Variants in STEAP1B observed in about 807,000 individuals in gnomAD.
STEAP1B encodes the protein STEAP family member 1B.
A neutral mutation model predicts 27.9 loss-of-function variants in STEAP1B; 13 were observed. The ratio of observed to expected loss-of-function variants is 0.47; its 90% confidence interval spans 0.30 to 0.74. STEAP1B has a LOEUF of 0.74. Among genes scored for constraint, STEAP1B ranks in the 30% least tolerant of loss-of-function variants. The pLI is 0.06. For synonymous variants in STEAP1B, 86 were observed against 107.1 expected (o/e 0.80, Z 1.22); for missense variants, 250 against 298.7 (o/e 0.84, Z 1.20).
chr7:22,440,237 A>G (rs1785312411), intron 4 of STEAP1B, among the ~76,000 whole-genome samples: 3 of 152,178 alleles, frequency 2.0e-5, no homozygotes, highest in Admixed American at 2.0e-4. Context: ...GGTATATGCT[A>G]CCTTGACTTG....
At chr7:22,443,354 A>G (rs1785362784) in intron 4 of STEAP1B, among the ~76,000 whole-genome samples, 1 of 152,230 alleles carries the variant, frequency 6.6e-6, no homozygotes, top group Non-Finnish European at 1.5e-5. Context: ...TCATTTAATC[A>G]ATCACTTCAA....
intron 4 of STEAP1B, among the ~76,000 whole-genome samples, chr7:22,425,564 T>A (rs1016295094): frequency 6.6e-6 from 1 of 152,220 alleles, no homozygotes; most frequent in Non-Finnish European, 1.5e-5. Flanking sequence ...CTGATTTGCA[T>A]AGTGCTCTGA....
rs56679156 is a variant in STEAP1B, at chr7:22,492,319, CAAAAAAAAAAA to C, written c.762+235_762+245del. On this transcript the variant is annotated intron_variant, in intron 4 of 4. Coordinates refer to ENST00000678116, the MANE Select transcript of STEAP1B (RefSeq NM_001382447.1). Reference sequence around the variant, plus strand: ...GGGCAACAGAGCGAGACTTCATCTCCAAAAAAAAAAAAAAAAAAAAAAAAAAAAGGATATTT... The same window carrying C: ...GGGCAACAGAGCGAGACTTCATCTCCAAAAAAAAAAAAAAAAAGGATATTT... The C allele has an allele frequency of 1.5e-3, 83 of 54,796 alleles. 1 individual carries two copies. Among genetic ancestry groups the C allele is most frequent in the South Asian group, 7.1e-3 (9 of 1,270 alleles). 3.4% of individuals were successfully genotyped at this position (54,796 alleles called of 1,614,324 possible). A position where few individuals can be genotyped will look rare whatever the true frequency, so the allele number is the denominator to read the frequency against.
intron 1 of STEAP1B, among the ~76,000 whole-genome samples, 163 bp downstream of exon 1, chr7:22,499,951 A>G (rs1786507599): frequency 6.6e-6 from 1 of 152,224 alleles, no homozygotes; most frequent in South Asian, 2.1e-4. Flanking sequence ...GCATAAGCGA[A>G]GAATTGAGCA....
intron 4 of STEAP1B, among the ~76,000 whole-genome samples, chr7:22,480,530 G>T (rs138074603): frequency 2.0e-3 from 309 of 152,322 alleles, no homozygotes; most frequent in Middle Eastern, 0.014. Context: ...GACTCAGTCT[G>T]CAAAAGCTCA....
At chr7:22,460,348 A>AAG (rs953265976) in intron 4 of STEAP1B, among the ~76,000 whole-genome samples, 2 of 151,530 alleles carry the variant, frequency 1.3e-5, no homozygotes, top group African/African-American at 2.4e-5. Flanking sequence ...AAAAAAAAAA[A>AAG]AAAGGAGAGA....
At chr7:22,489,581 G>C (rs1024474974) in intron 4 of STEAP1B, among the ~76,000 whole-genome samples, 2 of 152,166 alleles carry the variant, frequency 1.3e-5, no homozygotes, top group Non-Finnish European at 2.9e-5. Context: ...GAGAATTTTG[G>C]ACACAGAGAC....
At chr7:22,438,693 T>G (rs1785286641) in intron 4 of STEAP1B, 1 of 1,551,704 alleles carries the variant, frequency 6.4e-7, no homozygotes, top group South Asian at 1.2e-5. Flanking sequence ...CTACCAGTTG[T>G]GTCTTGGCCA....
chr7:22,444,458 T>C (rs3114711), intron 4 of STEAP1B, among the ~76,000 whole-genome samples: 150,334 of 152,238 alleles, frequency 0.99, 74,269 homozygotes, highest in East Asian at 1. Context: ...TATAAATTCC[T>C]TTCTGCTTTC....
At chr7:22,477,053 G>T (rs1187050872) in intron 4 of STEAP1B, among the ~76,000 whole-genome samples, 4 of 152,196 alleles carry the variant, frequency 2.6e-5, no homozygotes, top group Non-Finnish European at 5.9e-5. Context: ...TTTCTGCTGA[G>T]TAACCTAATC....
chr7:22,425,163 C>T (rs1785090467), intron 4 of STEAP1B, among the ~76,000 whole-genome samples: 1 of 152,128 alleles, frequency 6.6e-6, no homozygotes. Context: ...ATAACCTTAC[C>T]TATCAAAAAT....
chr7:22,449,020 T>C (rs962773609), intron 4 of STEAP1B, among the ~76,000 whole-genome samples: 1 of 152,196 alleles, frequency 6.6e-6, no homozygotes, highest in African/African-American at 2.4e-5. Flanking sequence ...TAGGGGTATA[T>C]AGTAGGTGTA....
intron 4 of STEAP1B, among the ~76,000 whole-genome samples, chr7:22,428,673 C>T (rs912446008): frequency 3.9e-5 from 6 of 152,084 alleles, no homozygotes; most frequent in South Asian, 4.2e-4. Context: ...AAATAAAGCA[C>T]GCACCTATAG....
chr7:22,435,764 G>A (rs561854493), intron 4 of STEAP1B, among the ~76,000 whole-genome samples: 2 of 152,330 alleles, frequency 1.3e-5, no homozygotes, highest in African/African-American at 4.8e-5. Context: ...AGAAGTGAGC[G>A]TAGGTTGCTC....
At chr7:22,441,093 A>G (rs1785326561) in intron 4 of STEAP1B, among the ~76,000 whole-genome samples, 1 of 151,712 alleles carries the variant, frequency 6.6e-6, no homozygotes, top group South Asian at 2.1e-4. Flanking sequence ...AAAGAGTTTT[A>G]TTTTTATATT....
intron 4 of STEAP1B, among the ~76,000 whole-genome samples, chr7:22,447,295 TAC>T (rs1401407015): frequency 6.6e-6 from 1 of 152,212 alleles, no homozygotes; most frequent in African/African-American, 2.4e-5. Context: ...CAACTTCCAA[TAC>T]AGTTTGGTGA....
intron 4 of STEAP1B, among the ~76,000 whole-genome samples, chr7:22,447,803 C>G (rs77028582): frequency 0.03 from 4,543 of 152,318 alleles, 154 homozygotes; most frequent in Admixed American, 0.089. Context: ...GCATTGCCAC[C>G]TAGTACTTCG....
intron 1 of STEAP1B, among the ~76,000 whole-genome samples, chr7:22,499,385 T>TTTTTG (rs1786497573): frequency 2.0e-5 from 3 of 152,226 alleles, no homozygotes. Context: ...TTTTTGGGTT[T>TTTTTG]TTTTTTCACT....
intron 4 of STEAP1B, among the ~76,000 whole-genome samples, chr7:22,463,198 A>T (rs903517633): frequency 6.6e-6 from 1 of 151,924 alleles, no homozygotes; most frequent in African/African-American, 2.4e-5. Flanking sequence ...GTGAACTCCC[A>T]TTCACAATTG....
Sources: gnomAD v4.1 joint callset for allele counts (sites outside exome capture counted in the v4.1 genomes callset) on GRCh38, gnomAD v4.1.1 for gene constraint, MANE v1.5 for transcripts, NCBI Gene and HGNC (gene_info 2026-07-23, HGNC 2026-07-21) for gene names.